The following SH3GL2 variants were observed in gnomAD, a reference collection of about 807,000 sequenced individuals.
SH3GL2 encodes endophilin-A1.
A neutral mutation model predicts 46.0 loss-of-function variants in SH3GL2; 24 were observed. That is an observed-to-expected ratio of 0.52 (90% CI 0.38 to 0.73). The LOEUF is 0.73. SH3GL2 is among the 30% of genes least tolerant of loss of function. The pLI, the probability that SH3GL2 is intolerant of heterozygous loss-of-function variation, is 0.00. For synonymous variants in SH3GL2, 196 were observed against 147.1 expected (o/e 1.33, Z -2.40); for missense variants, 413 against 424.2 (o/e 0.97, Z 0.23).
chr9:17,718,073 G>A (rs12550865), intron 1 of SH3GL2, among the ~76,000 whole-genome samples: 10,526 of 152,164 alleles, frequency 0.069, 557 homozygotes, highest in Admixed American at 0.17. Flanking sequence ...TTCAAATCTT[G>A]TAAGCTAGGA....
intron 1 of SH3GL2, among the ~76,000 whole-genome samples, chr9:17,693,438 G>T (rs1365531187): frequency 6.6e-6 from 1 of 152,162 alleles, no homozygotes; most frequent in African/African-American, 2.4e-5. Context: ...CATTACTTCT[G>T]TGTAAAATAG....
chr9:17,634,108 T>C lies in SH3GL2; in HGVS notation c.45+54821T>C, dbSNP rs117154514. The stretch of plus-strand genomic sequence containing the variant: ...TGGAGTCCTGGCTGGTTTTGGAACT[T>C]TGGGCTCTTGAAGGGAGTATCCTCA... On this transcript the variant is annotated intron_variant, in intron 1 of 8. Transcript: ENST00000380607. 4.9e-4 allele frequency among the ~76,000 whole-genome samples: 75 copies of C among 152,298 alleles called. 1 individual carries two copies. In the East Asian group the frequency reaches 9.8e-3, roughly 20 times the overall value.
intron 3 of SH3GL2, among the ~76,000 whole-genome samples, chr9:17,770,854 C>T (rs529823082): frequency 7.2e-4 from 110 of 152,262 alleles, no homozygotes; most frequent in African/African-American, 2.5e-3. Flanking sequence ...GTGAACAGCC[C>T]GGACTCAGGA....
intron 1 of SH3GL2, chr9:17,653,905 CAGGT>C: frequency 1.1e-6 from 1 of 948,624 alleles, no homozygotes; most frequent in South Asian, 4.9e-5. Flanking sequence ...TATCTTCAAA[CAGGT>C]AGAAAACATC....
chr9:17,755,827 A>C, intron 2 of SH3GL2: 2 of 962,998 alleles, frequency 2.1e-6, no homozygotes, highest in Non-Finnish European at 2.5e-6. Flanking sequence ...TTCTTCAGGG[A>C]AGAAAGGTAA....
chr9:17,788,267 C>A (rs1258201158), intron 5 of SH3GL2, among the ~76,000 whole-genome samples: 3 of 152,034 alleles, frequency 2.0e-5, no homozygotes, highest in Admixed American at 1.3e-4. Flanking sequence ...ACAGACTGAC[C>A]CTAAATCCAA....
intron 1 of SH3GL2, among the ~76,000 whole-genome samples, chr9:17,593,394 G>A (rs1818519467): frequency 6.6e-6 from 1 of 151,600 alleles, no homozygotes; most frequent in Non-Finnish European, 1.5e-5. Context: ...CACCCAGCTG[G>A]TGTCCAGTGG....
chr9:17,621,242 C>G (rs1819131991), intron 1 of SH3GL2, among the ~76,000 whole-genome samples: 1 of 152,162 alleles, frequency 6.6e-6, no homozygotes, highest in Non-Finnish European at 1.5e-5. Flanking sequence ...TGTCTTTATG[C>G]ATAAAACAGT....
At chr9:17,622,017 A>G (rs1371001478) in intron 1 of SH3GL2, among the ~76,000 whole-genome samples, 1 of 152,156 alleles carries the variant, frequency 6.6e-6, no homozygotes, top group East Asian at 1.9e-4. Flanking sequence ...CTGCCTCCAG[A>G]GCCAGGAGAT....
chr9:17,757,780 A>T (rs1253545968), intron 2 of SH3GL2, among the ~76,000 whole-genome samples: 2 of 152,220 alleles, frequency 1.3e-5, no homozygotes, highest in East Asian at 1.9e-4. Flanking sequence ...TAAGTTACTT[A>T]AGTGGAAATC....
intron 1 of SH3GL2, among the ~76,000 whole-genome samples, chr9:17,673,091 C>T (rs1820513895): frequency 6.6e-6 from 1 of 151,982 alleles, no homozygotes; most frequent in Non-Finnish European, 1.5e-5. Context: ...TTCAATAGTC[C>T]TCCCTAATAA....
chr9:17,686,648 A>G (rs1170171455), intron 1 of SH3GL2, among the ~76,000 whole-genome samples: 3 of 97,310 alleles, frequency 3.1e-5, no homozygotes, highest in East Asian at 3.3e-4. Flanking sequence ...AGGGACATGG[A>G]TGAAATTGGA....
intron 1 of SH3GL2, among the ~76,000 whole-genome samples, chr9:17,605,155 T>G (rs1818740754): frequency 6.6e-6 from 1 of 151,864 alleles, no homozygotes; most frequent in African/African-American, 2.4e-5. Context: ...TTAGAAAAAT[T>G]TTTTGTAGAG....
At chr9:17,777,962 A>C (rs1402372364) in intron 3 of SH3GL2, among the ~76,000 whole-genome samples, 1 of 151,910 alleles carries the variant, frequency 6.6e-6, no homozygotes, top group African/African-American at 2.4e-5. Flanking sequence ...GAGGCAGACT[A>C]GATATTTATA....
At chr9:17,759,574 A>G (rs562224799) in intron 2 of SH3GL2, among the ~76,000 whole-genome samples, 48 of 152,254 alleles carry the variant, frequency 3.2e-4, no homozygotes, top group Admixed American at 3.3e-4. Context: ...TTTCTCATAT[A>G]CATTACAGAG....
intron 1 of SH3GL2, among the ~76,000 whole-genome samples, chr9:17,612,779 C>T (rs925757199): frequency 2.7e-4 from 41 of 152,258 alleles, no homozygotes; most frequent in Admixed American, 2.5e-3. Context: ...AATTTTGGAA[C>T]GTTTTTACAC....
At chr9:17,773,907 A>G (rs1386554843) in intron 3 of SH3GL2, among the ~76,000 whole-genome samples, 1 of 152,136 alleles carries the variant, frequency 6.6e-6, no homozygotes, top group African/African-American at 2.4e-5. Flanking sequence ...TCTTAATAAT[A>G]TTAAGTCTTC....
At chr9:17,609,153 C>G (rs951293390) in intron 1 of SH3GL2, among the ~76,000 whole-genome samples, 1 of 152,004 alleles carries the variant, frequency 6.6e-6, no homozygotes, top group African/African-American at 2.4e-5. Flanking sequence ...TTCTCACAGC[C>G]CGATAAAGTA....
intron 3 of SH3GL2, among the ~76,000 whole-genome samples, chr9:17,765,370 G>A (rs542978310): frequency 5.3e-5 from 8 of 152,344 alleles, no homozygotes; most frequent in African/African-American, 1.9e-4. Flanking sequence ...TCTTGGGGGT[G>A]TGGAGCTTAC....
Sources: gnomAD v4.1 joint callset for allele counts (sites outside exome capture counted in the v4.1 genomes callset) on GRCh38, gnomAD v4.1.1 for gene constraint, MANE v1.5 for transcripts, NCBI Gene and HGNC (gene_info 2026-07-23, HGNC 2026-07-21) for gene names.